AFF2: variants seen among roughly 807,000 people sequenced by gnomAD.
The protein encoded by AFF2 is ALF transcription elongation factor 2.
In AFF2, 14 loss-of-function variants were observed where a neutral mutation model predicts 76.9. That is an observed-to-expected ratio of 0.18 (90% CI 0.12 to 0.28). The LOEUF is 0.28. Ranked by LOEUF, AFF2 falls within the 10% of genes least tolerant of loss-of-function variation. AFF2 has a pLI of 1.00. For missense variants in AFF2, 868 were observed against 1,001.1 expected (o/e 0.87, Z 1.79); for synonymous variants, 398 against 366.7 (o/e 1.09, Z -0.98).
At chrX:148,509,921 G>A (rs782664853) in intron 1 of AFF2, among the ~76,000 whole-genome samples, 1 of 111,408 alleles carries the variant, frequency 9.0e-6, no homozygotes, top group Admixed American at 9.5e-5. Flanking sequence ...CTGCTAGTGA[G>A]CAGCAGGACC....
chrX:148,745,078 G>A (rs782373836), intron 3 of AFF2, among the ~76,000 whole-genome samples: 1 of 111,985 alleles, frequency 8.9e-6, no homozygotes, highest in Non-Finnish European at 1.9e-5. Context: ...AGGTGGATGT[G>A]TTGGTGGATT....
At chrX:148,513,139 G>A (rs1233851418) in intron 1 of AFF2, among the ~76,000 whole-genome samples, 1 of 112,352 alleles carries the variant, frequency 8.9e-6, no homozygotes, top group African/African-American at 3.2e-5. Flanking sequence ...TAAACCTGGA[G>A]TACATATTAT....
chrX:148,786,296 T>C (rs2069820449), intron 3 of AFF2, among the ~76,000 whole-genome samples: 1 of 111,835 alleles, frequency 8.9e-6, no homozygotes, highest in African/African-American at 3.3e-5. Context: ...ATAGTCTGCC[T>C]TGTAGTACAG....
intron 9 of AFF2, among the ~76,000 whole-genome samples, chrX:148,947,052 A>G (rs1368371447): frequency 8.9e-6 from 1 of 112,321 alleles, no homozygotes. Context: ...AATGTCATGT[A>G]TAGTAACTTG....
intron 3 of AFF2, among the ~76,000 whole-genome samples, chrX:148,752,971 C>G (rs782760828): frequency 1.8e-5 from 2 of 111,450 alleles, no homozygotes; most frequent in African/African-American, 3.3e-5. Context: ...AGTCATGTTG[C>G]ATCTTATATT....
intron 3 of AFF2, among the ~76,000 whole-genome samples, chrX:148,689,097 T>C (rs192711965): frequency 8.9e-6 from 1 of 111,843 alleles, no homozygotes; most frequent in East Asian, 2.8e-4. Flanking sequence ...GACAAAGGTG[T>C]GGACAGTGTT....
At chrX:148,846,924 A>G (rs2070674615) in intron 7 of AFF2, among the ~76,000 whole-genome samples, 1 of 111,436 alleles carries the variant, frequency 9.0e-6, no homozygotes, top group Non-Finnish European at 1.9e-5. Context: ...TCCCCAAGAT[A>G]GAGTCTCGCT....
chrX:148,808,118 T>C (rs1280199503), intron 3 of AFF2, among the ~76,000 whole-genome samples: 1 of 112,360 alleles, frequency 8.9e-6, no homozygotes, highest in Non-Finnish European at 1.9e-5. Flanking sequence ...ACAATATGGG[T>C]TGCAGCATTT....
At chrX:148,509,297 G>A (rs1167709322) in intron 1 of AFF2, among the ~76,000 whole-genome samples, 3 of 112,121 alleles carry the variant, frequency 2.7e-5, no homozygotes, top group Admixed American at 9.4e-5. Flanking sequence ...GCACTTCAGA[G>A]TGAAATGGAA....
intron 3 of AFF2, among the ~76,000 whole-genome samples, chrX:148,689,186 G>C (rs2054627352): frequency 1.8e-5 from 2 of 111,600 alleles, no homozygotes; most frequent in South Asian, 7.5e-4. Context: ...TCCTGTGCAA[G>C]TCTGTGTCCT....
chrX:148,709,199 C>G (rs2054926927), intron 3 of AFF2, among the ~76,000 whole-genome samples: 1 of 111,766 alleles, frequency 8.9e-6, no homozygotes, highest in Admixed American at 9.5e-5. Context: ...GTGAATAAAA[C>G]TTATTCAATA....
intron 1 of AFF2, among the ~76,000 whole-genome samples, chrX:148,551,482 GAAAAAAAAAAAAAAAA>G (rs781883999): frequency 7.6e-4 from 29 of 38,012 alleles, no homozygotes; most frequent in Middle Eastern, 0.02. Context: ...GCTGGGAAGT[GAAAAAAAAAAAAAAAA>G]AAAAAAAAAA....
At chrX:148,905,502 A>C (rs1196208319) in intron 9 of AFF2, among the ~76,000 whole-genome samples, 6 of 112,255 alleles carry the variant, frequency 5.3e-5, no homozygotes, top group Non-Finnish European at 7.5e-5. Context: ...GCAAGCTCGG[A>C]GAATTAGAGG....
chrX:148,707,953 GCAAATGATT>G (rs2054906844), intron 3 of AFF2, among the ~76,000 whole-genome samples: 2 of 111,763 alleles, frequency 1.8e-5, no homozygotes, highest in African/African-American at 6.5e-5. Context: ...GGACAGAACT[GCAAATGATT>G]CATCACAAAT....
intron 1 of AFF2, among the ~76,000 whole-genome samples, chrX:148,607,415 C>A (rs1241721207): frequency 9.0e-6 from 1 of 110,749 alleles, no homozygotes; most frequent in Non-Finnish European, 1.9e-5. Flanking sequence ...ATAAGTCTTA[C>A]AAGATCTCAT....
chrX:148,758,733 G>T (rs1271168644), intron 3 of AFF2, among the ~76,000 whole-genome samples: 1 of 111,521 alleles, frequency 9.0e-6, no homozygotes, highest in Non-Finnish European at 1.9e-5. Flanking sequence ...CCATTCTTTG[G>T]TATTGTAAAT....
intron 2 of AFF2, among the ~76,000 whole-genome samples, chrX:148,659,375 T>C (rs1254800270): frequency 8.9e-6 from 1 of 112,252 alleles, no homozygotes; most frequent in African/African-American, 3.2e-5. Context: ...GCTTTCACAT[T>C]CTTGAGTCCT....
At position 148,955,808 on chromosome X, in the gene AFF2, T is replaced by C. The variant is rs782302137; in HGVS notation, c.1763T>C (p.Leu588Pro). 2 of 1,210,985 alleles carry C rather than the reference T, an allele frequency of 1.7e-6. No individual in the cohort carries two copies. Among genetic ancestry groups the C allele is most frequent in the Admixed American group, 4.4e-5 (2 of 45,971 alleles). Reference sequence around the variant, plus strand: ...CCAGCTGAACCCAAAGAAAGGCCTCTCCTCAGTCTCATTAGGGAGAAAGCC... The same window carrying C: ...CCAGCTGAACCCAAAGAAAGGCCTCCCCTCAGTCTCATTAGGGAGAAAGCC... ...QVPAEPKERP[L>P]LSLIREKARP... Residue 588 changes from leucine to proline, a missense_variant, in exon 11 of 21, where the codon CTC becomes CCC. By Grantham distance (98) the Leu-to-Pro change is moderately conservative. Transcript: ENST00000370460.
chrX:148,656,710 C>T (rs368613802), intron 2 of AFF2, among the ~76,000 whole-genome samples: 15 of 108,177 alleles, frequency 1.4e-4, no homozygotes, highest in East Asian at 5.8e-4. Context: ...CCGTTTTAGC[C>T]GGGATGGTCT....
Sources: allele counts gnomAD v4.1 joint callset (sites outside exome capture counted in the v4.1 genomes callset), GRCh38; gene constraint gnomAD v4.1.1; transcripts MANE v1.5; gene names NCBI Gene and HGNC (gene_info 2026-07-23, HGNC 2026-07-21).